Variants in TUSC3 observed in about 807,000 individuals in gnomAD.
The protein encoded by TUSC3 is dolichyl-diphosphooligosaccharide--protein glycosyltransferase subunit TUSC3.
In TUSC3, 45 loss-of-function variants were observed where a neutral mutation model predicts 44.8. That is an observed-to-expected ratio of 1.00 (90% CI 0.79 to 1.29). The LOEUF (loss-of-function observed/expected upper bound fraction) is 1.29, where lower values mean the gene tolerates loss of function less well. TUSC3 is among the 50% of genes most tolerant of loss of function. The pLI, the probability that TUSC3 is intolerant of heterozygous loss-of-function variation, is 0.00. For synonymous variants in TUSC3, 212 were observed against 152.9 expected (o/e 1.39, Z -2.85); for missense variants, 519 against 437.9 (o/e 1.19, Z -1.65).
chr8:15,648,454 C>T (rs1806725770), intron 2 of TUSC3, among the ~76,000 whole-genome samples: 1 of 151,890 alleles, frequency 6.6e-6, no homozygotes, highest in Admixed American at 6.6e-5. Context: ...TGGCTGGGCG[C>T]AGTGGCTCAC....
chr8:15,660,803 G>C (rs907090320), intron 4 of TUSC3, among the ~76,000 whole-genome samples: 9 of 151,024 alleles, frequency 6.0e-5, no homozygotes, highest in African/African-American at 2.2e-4. Context: ...AATATTGAAA[G>C]GGTACTATTG....
intron 6 of TUSC3, among the ~76,000 whole-genome samples, chr8:15,719,658 C>CT (rs760258897): frequency 6.6e-5 from 10 of 152,092 alleles, no homozygotes; most frequent in East Asian, 5.8e-4. Flanking sequence ...AATAAATAAA[C>CT]TAACATACAA....
chr8:15,599,782 T>C (rs1804210257), intron 1 of TUSC3, among the ~76,000 whole-genome samples: 1 of 151,412 alleles, frequency 6.6e-6, no homozygotes, highest in African/African-American at 2.4e-5. Context: ...TGATCTGTTA[T>C]TTTGCCAGTA....
the TUSC3 span, chr8:15,806,956 T>A: frequency 6.8e-7 from 1 of 1,466,438 alleles, no homozygotes; most frequent in South Asian, 1.1e-5. Flanking sequence ...ACTCTCGTGT[T>A]CATCAATCTC....
intron 1 of TUSC3, among the ~76,000 whole-genome samples, chr8:15,561,939 A>T (rs1293880744): frequency 6.6e-6 from 1 of 152,176 alleles, no homozygotes; most frequent in South Asian, 2.1e-4. Flanking sequence ...GGTACCTCAG[A>T]TGGAAATGCA....
At chr8:15,820,351 C>T in the TUSC3 span, among the ~76,000 whole-genome samples, 7 of 137,318 alleles carry the variant, frequency 5.1e-5, no homozygotes, top group African/African-American at 8.1e-5. Flanking sequence ...CTTGCTCTGT[C>T]GCCAAGCTGG....
chr8:15,651,422 A>T (rs944321349), intron 3 of TUSC3, among the ~76,000 whole-genome samples: 2 of 152,208 alleles, frequency 1.3e-5, no homozygotes, highest in Non-Finnish European at 2.9e-5. Flanking sequence ...TATTTCCCCA[A>T]ATTCATAAGT....
intron 2 of TUSC3, among the ~76,000 whole-genome samples, chr8:15,641,751 T>A (rs1374312169): frequency 6.6e-6 from 1 of 152,222 alleles, no homozygotes; most frequent in Non-Finnish European, 1.5e-5. Flanking sequence ...TTTTCAAAAT[T>A]CATGTGTTAC....
At chr8:15,692,495 A>T (rs1476976026) in intron 6 of TUSC3, among the ~76,000 whole-genome samples, 5 of 141,422 alleles carry the variant, frequency 3.5e-5, no homozygotes, top group Non-Finnish European at 4.6e-5. Context: ...TCTTGTTGTT[A>T]GGCTTTTTAT....
rs143685241 is a variant in TUSC3, at chr8:15,481,665, A to C, written n.92-1721A>C. Among the ~76,000 whole-genome samples, 16 of 152,366 alleles carry C rather than the reference A, an allele frequency of 1.1e-4. No homozygotes were observed. The East Asian group carries it at 2.9e-3, about 28-fold the overall frequency. ...AAAAAGTTAAGTTACAATGTACTTT[A>C]GTCTGTTAAGTGTGCAATAGCATTA... is the stretch of plus-strand genomic sequence containing the variant. On this transcript the variant is annotated intron_variant and non_coding_transcript_variant, in intron 1 of 5. Coordinates refer to the TUSC3 transcript ENST00000503191.
intron 1 of TUSC3, among the ~76,000 whole-genome samples, chr8:15,544,778 A>G (rs947662645): frequency 2.6e-5 from 4 of 151,790 alleles, no homozygotes; most frequent in African/African-American, 7.2e-5. Flanking sequence ...GTAGTTATGC[A>G]TTGATATGTA....
intron 6 of TUSC3, among the ~76,000 whole-genome samples, chr8:15,677,049 G>C (rs1808222572): frequency 6.6e-6 from 1 of 152,006 alleles, no homozygotes; most frequent in Non-Finnish European, 1.5e-5. Flanking sequence ...TATAGAGTTA[G>C]GGTCTCACTC....
intron 2 of TUSC3, among the ~76,000 whole-genome samples, chr8:15,485,488 ACAGAGTTCTTGTCACC>A (rs1800722260): frequency 1.5e-5 from 2 of 137,678 alleles, no homozygotes; most frequent in Admixed American, 7.7e-5. Context: ...TTTTTGTGAC[ACAGAGTTCTTGTCACC>A]CAGGCTGGAG....
chr8:15,597,401 A>G (rs922253300), intron 1 of TUSC3, among the ~76,000 whole-genome samples: 32 of 152,120 alleles, frequency 2.1e-4, no homozygotes, highest in African/African-American at 7.7e-4. Flanking sequence ...CTTAAATATT[A>G]GTTGCTAGTA....
chr8:15,573,202 C>CTCTATA (rs1435847916), intron 1 of TUSC3, among the ~76,000 whole-genome samples: 145 of 74,120 alleles, frequency 2.0e-3, no homozygotes, highest in Non-Finnish European at 2.8e-3. Context: ...CTCTCTCTCT[C>CTCTATA]TATATATATA....
At chr8:15,671,059 A>T (rs1257661367) in intron 5 of TUSC3, among the ~76,000 whole-genome samples, 1 of 151,978 alleles carries the variant, frequency 6.6e-6, no homozygotes, top group African/African-American at 2.4e-5. Flanking sequence ...GATGGATATC[A>T]AGTGGATCTC....
At chr8:15,512,100 C>T (rs970987185) in intron 2 of TUSC3, among the ~76,000 whole-genome samples, 2 of 152,090 alleles carry the variant, frequency 1.3e-5, no homozygotes, top group African/African-American at 2.4e-5. Flanking sequence ...ACTTGTACTA[C>T]GTAATTTCAA....
chr8:15,432,298 A>T (rs888018902), intron 1 of TUSC3, among the ~76,000 whole-genome samples: 1 of 151,992 alleles, frequency 6.6e-6, no homozygotes, highest in African/African-American at 2.4e-5. Flanking sequence ...CTTACTCCTT[A>T]TTCATCTGTG....
At chr8:15,590,917 G>C (rs1803807860) in intron 1 of TUSC3, among the ~76,000 whole-genome samples, 1 of 152,140 alleles carries the variant, frequency 6.6e-6, no homozygotes, top group African/African-American at 2.4e-5. Flanking sequence ...CAAGCAGTCT[G>C]TGTGCCTTGG....
Sources: gnomAD v4.1 joint callset for allele counts (sites outside exome capture counted in the v4.1 genomes callset) on GRCh38, gnomAD v4.1.1 for gene constraint, MANE v1.5 for transcripts, NCBI Gene and HGNC (gene_info 2026-07-23, HGNC 2026-07-21) for gene names.